Variants in BOD1L1 observed in about 807,000 individuals in gnomAD.
BOD1L1 encodes the protein biorientation of chromosomes in cell division protein 1-like 1.
Under a neutral mutation model 240.7 loss-of-function variants are expected in BOD1L1, and 86 were observed. The ratio of observed to expected loss-of-function variants is 0.36; its 90% CI spans 0.30 to 0.43. The LOEUF is 0.43. Among genes scored for constraint, BOD1L1 ranks in the 20% least tolerant of loss-of-function variants. The probability of loss-of-function intolerance (pLI) is 1.00; values close to 1 mark genes in which losing one functional copy is unlikely to be tolerated. For synonymous variants in BOD1L1, 1,268 were observed against 1,272.3 expected, an observed-to-expected ratio of 1.00 and a Z score of 0.07; for missense variants, 3,554 against 3,643.5, an observed-to-expected ratio of 0.98 and a Z score of 0.63.
In BOD1L1 at chr4:13,600,092, T is replaced by TGGA; in HGVS notation, c.6805_6807dup (p.Ser2270dup). On this transcript the variant is annotated inframe_insertion, in exon 10 of 26. Transcript: ENST00000040738. ...TCGCCTTCCTCTTGAGGGACAGCACTGGACACTGGGCCCTCACAGTCTTCC... is the reference window on the plus strand; with the variant it reads ...TCGCCTTCCTCTTGAGGGACAGCACTGGAGGACACTGGGCCCTCACAGTCTTCC... 1 of 1,613,802 alleles carries TGGA rather than the reference T, an allele frequency of 6.2e-7. No individual in the cohort carries two copies. The highest frequency in any genetic ancestry group is 8.5e-7 in the Non-Finnish European group (1 of 1,179,814).
chr4:13,582,742 G>A lies in BOD1L1; in HGVS notation c.8434-6C>T. On this transcript the variant is annotated splice_region_variant and splice_polypyrimidine_tract_variant and intron_variant, in intron 17 of 25. Transcript: ENST00000040738. ...AAATCTCTGGAGTTCTCTTCCTATA[G>A]AGAAGTTGAAAAAGACTAGAACCTT... The A allele has an allele frequency of 6.3e-7, 1 of 1,596,560 alleles. No homozygotes were observed. The highest frequency in any genetic ancestry group is 1.1e-5 in the South Asian group (1 of 90,302).
At chr4:13,622,360 A>C (rs1472635527) in intron 1 of BOD1L1, among the ~76,000 whole-genome samples, 3 of 152,188 alleles carry the variant, frequency 2.0e-5, no homozygotes, top group African/African-American at 7.2e-5. Flanking sequence ...CTCTCCTTTC[A>C]GTAAAAAGTT....
At position 13,613,511 on chromosome 4, in the gene BOD1L1, C is replaced by A. The variant is rs1389970593; in HGVS notation, c.1324+1G>T. 2 of 1,609,494 alleles carry A rather than the reference C, an allele frequency of 1.2e-6. No individual in the cohort carries two copies. Reference sequence around the variant, plus strand: ...AGGCATTATTATGTAAAATGCTTTACCATCTGACGTAATCTCTCCTTCTTC... The same window carrying A: ...AGGCATTATTATGTAAAATGCTTTAACATCTGACGTAATCTCTCCTTCTTC... On this transcript the variant is annotated splice_donor_variant, in intron 5 of 25. Transcript: ENST00000040738. LOFTEE classifies it high-confidence loss of function. The surrounding 1 kb of genome is among the most constrained non-coding windows in gnomAD (Gnocchi z 4.0).
chr4:13,611,733 TG>T (rs1716187642), intron 5 of BOD1L1, among the ~76,000 whole-genome samples: 1 of 152,230 alleles, frequency 6.6e-6, no homozygotes, highest in Admixed American at 6.5e-5. Context: ...TCACTGGACT[TG>T]ATATTTATGC....
At chr4:13,575,276 T>C (rs1051998760) in intron 25 of BOD1L1, among the ~76,000 whole-genome samples, 7 of 152,178 alleles carry the variant, frequency 4.6e-5, no homozygotes, top group Admixed American at 3.9e-4. Context: ...GTTAGTGTTA[T>C]TTTTGAAATA....
At chr4:13,584,948 A>T (rs1262999230) in intron 17 of BOD1L1, among the ~76,000 whole-genome samples, 1 of 152,242 alleles carries the variant, frequency 6.6e-6, no homozygotes, top group African/African-American at 2.4e-5. Context: ...CTTTCCATGT[A>T]ACATTCTTCT....
intron 1 of BOD1L1, among the ~76,000 whole-genome samples, chr4:13,622,748 T>C (rs1448920880): frequency 6.6e-6 from 1 of 152,246 alleles, no homozygotes; most frequent in Non-Finnish European, 1.5e-5. Flanking sequence ...GGTAACCATG[T>C]AATTTATTGA....
chr4:13,594,912 A>G (rs1714504222), intron 12 of BOD1L1, among the ~76,000 whole-genome samples: 1 of 152,050 alleles, frequency 6.6e-6, no homozygotes, highest in Non-Finnish European at 1.5e-5. Flanking sequence ...ACAAAACAAA[A>G]TAAAACAAAA....
chr4:13,595,674 T>C (rs1169807572), intron 12 of BOD1L1, among the ~76,000 whole-genome samples, 186 bp downstream of exon 12: 1 of 152,190 alleles, frequency 6.6e-6, no homozygotes, highest in Non-Finnish European at 1.5e-5. Flanking sequence ...TGATTGACAT[T>C]TCATGAGGAA....
chr4:13,608,627 A>T lies in BOD1L1; in HGVS notation c.1645T>A (p.Leu549Met). The T allele has an allele frequency of 1.3e-6, 2 of 1,558,540 alleles. No homozygotes were observed. Among genetic ancestry groups the T allele is most frequent in the Non-Finnish European group, 1.7e-6 (2 of 1,154,216 alleles). The change falls in exon 8 of 26, where the codon TTG becomes ATG. Residue 549 changes from leucine (L) to methionine (M), a missense_variant. This residue lies in a region of BOD1L1 where 3,393 missense variants were observed against 3,427.1 expected (regional missense o/e 0.99). Transcript: ENST00000040738. ...TTAATTCTGGCGGCTTTAGGTTCCA[A>T]ACTCTTTGTTGATGATTCTTCTAAG... is the stretch of plus-strand genomic sequence containing the variant. ...VDLEESSTKS[L>M]EPKAARIKEV... is the part of the protein sequence containing the mutation.
chr4:13,605,383 T>C (rs578191734), intron 9 of BOD1L1, among the ~76,000 whole-genome samples: 2 of 152,330 alleles, frequency 1.3e-5, no homozygotes, highest in Non-Finnish European at 2.9e-5. Context: ...TTATTTCTCA[T>C]AGAGATTTAT....
Position 13,614,218 on chromosome 4 carries a change from T to C in BOD1L1, c.1152A>G (p.Lys384=). 6.6e-7 allele frequency: 1 copy of C among 1,517,586 alleles called. No individual in the cohort carries two copies. The highest frequency in any genetic ancestry group is 8.8e-7 in the Non-Finnish European group (1 of 1,136,828). The allele number at this position is 1,517,586 out of a possible 1,614,324, so 94.0% of individuals were successfully genotyped here. ...LPSEKNSNKA[K]TVEGTKEDFS... is the part of the protein sequence containing the mutation. ...TACCTTCTTTTGTCCCTTCAACAGT[T>C]TTAGCTTTATTACTGTTCTTTTCTG... The change falls in exon 4 of 26, where the codon AAA becomes AAG. Residue 384 remains lysine (K), a synonymous_variant. Coordinates refer to ENST00000040738, the MANE Select transcript of BOD1L1 (RefSeq NM_148894.3).
chr4:13,590,588 TCAC>T (rs1714122940), intron 13 of BOD1L1, 142 bp from the exon 14 acceptor site: 1 of 424,674 alleles, frequency 2.4e-6, no homozygotes, highest in Non-Finnish European at 4.3e-6. Context: ...CTTTTTAATT[TCAC>T]CCAGAAGCTC....
At position 13,616,008 on chromosome 4, in the gene BOD1L1, G is replaced by C. The variant is rs549441303; in HGVS notation, c.369-506C>G. 1.6e-4 allele frequency among the ~76,000 whole-genome samples: 24 copies of C among 152,184 alleles called. No homozygotes were observed. The South Asian group carries it at 4.6e-3, about 29-fold the overall frequency. On this transcript the variant is annotated intron_variant, in intron 2 of 25. Transcript: ENST00000040738. ...GATTTCATCAAATTGCAAAATCAAA[G>C]AAGGAAAACTTTAGAGAAAAAAATT... is the stretch of plus-strand genomic sequence containing the variant.
intron 14 of BOD1L1, 99 bp from the exon 15 acceptor site, chr4:13,588,891 A>C: frequency 1.2e-6 from 1 of 807,666 alleles, no homozygotes; most frequent in Non-Finnish European, 1.9e-6. Context: ...AAACTGAGTT[A>C]GTAACTTTAT....
chr4:13,623,484 C>T (rs1717176168), intron 1 of BOD1L1: 1 of 152,238 alleles, frequency 6.6e-6, no homozygotes, highest in African/African-American at 2.4e-5. Context: ...GCTTTGTAAC[C>T]ACTAAGCTTG....
chr4:13,607,540 C>T (rs960062801), intron 8 of BOD1L1, among the ~76,000 whole-genome samples: 1 of 152,188 alleles, frequency 6.6e-6, no homozygotes, highest in Non-Finnish European at 1.5e-5. Context: ...TCATGTGTTC[C>T]ACCCGCCTCT....
intron 11 of BOD1L1, among the ~76,000 whole-genome samples, chr4:13,596,471 G>A (rs1331459848): frequency 6.6e-6 from 1 of 151,792 alleles, no homozygotes; most frequent in Non-Finnish European, 1.5e-5. Context: ...CCTCTGTAGT[G>A]TTCATAACCC....
chr4:13,607,612 A>G (rs1312398110), intron 8 of BOD1L1, among the ~76,000 whole-genome samples: 2 of 152,160 alleles, frequency 1.3e-5, no homozygotes, highest in Non-Finnish European at 2.9e-5. Context: ...ACTATAATTT[A>G]TACACTTGAT....
Sources: allele counts gnomAD v4.1 joint callset (sites outside exome capture counted in the v4.1 genomes callset), GRCh38; gene constraint gnomAD v4.1.1; regional missense constraint gnomAD v4.1.1; non-coding constraint Gnocchi (gnomAD v3.1); transcripts MANE v1.5; gene names NCBI Gene and HGNC (gene_info 2026-07-23, HGNC 2026-07-21).